IGF2R: variants seen among roughly 807,000 people sequenced by gnomAD.
IGF2R encodes insulin like growth factor 2 receptor, also known as cation-independent mannose-6-phosphate receptor.
IGF2R carries 91 observed loss-of-function variants against 270.6 expected under a neutral mutation model. The ratio of observed to expected loss-of-function variants is 0.34; its 90% CI spans 0.28 to 0.40. The LOEUF is 0.40. Ranked by LOEUF, IGF2R falls within the 10% of genes least tolerant of loss-of-function variation. The pLI is 1.00. For missense variants in IGF2R, 2,805 were observed against 3,188.3 expected (o/e 0.88, Z 2.90); for synonymous variants, 1,316 against 1,258.9 (o/e 1.05, Z -0.96).
chr6:160,042,892 T>TC (rs1305622767), intron 11 of IGF2R, among the ~76,000 whole-genome samples: 1 of 152,122 alleles, frequency 6.6e-6, no homozygotes, highest in Non-Finnish European at 1.5e-5. Context: ...CAGTTCTCTG[T>TC]CCCCCAGTTG....
chr6:159,986,457 A>G (rs1330173934), intron 1 of IGF2R, among the ~76,000 whole-genome samples: 5 of 143,614 alleles, frequency 3.5e-5, no homozygotes, highest in African/African-American at 1.3e-4. Flanking sequence ...AAGTAGATTC[A>G]GGGTTTCACC....
intron 34 of IGF2R, 111 bp downstream of exon 34, chr6:160,073,580 T>G (rs1778792011): frequency 1.6e-6 from 2 of 1,288,200 alleles, no homozygotes. Flanking sequence ...AACTGTCCAC[T>G]CCTGATCACC....
At position 160,027,217 on chromosome 6, in the gene IGF2R, G is replaced by A. The variant is rs1206290347; in HGVS notation, c.679G>A (p.Ala227Thr). The A allele has an allele frequency of 1.2e-6, 2 of 1,614,116 alleles. No individual in the cohort carries two copies. The highest frequency in any genetic ancestry group is 1.7e-6 in the Non-Finnish European group (2 of 1,180,042). The change falls in exon 6 of 48, where the codon GCC (alanine) becomes ACC (threonine). Residue 227 changes from alanine to threonine, a missense_variant. Ala to Thr is a moderately conservative substitution (Grantham distance 58). This residue lies in a region of IGF2R where 954 missense variants were observed against 981.1 expected (regional missense o/e 0.97). Coordinates refer to ENST00000356956, the MANE Select transcript of IGF2R (RefSeq NM_000876.4). ...ACGAGACCCAGGTTCACAGCTGCGG[G>A]CCTGTCCCCCCGGCACTGCCGCCTG... ...TLRDPGSQLR[A>T]CPPGTAACLV...
In IGF2R at chr6:160,084,910, T is replaced by A. The variant is rs1779066832; in HGVS notation, c.6069-85T>A. Reference sequence around the variant, plus strand: ...GCCCTTAGTTATCAGAACCTTTCTCTGAAAGTAAAGTGAAGAGCCCTCCTG... The same window carrying A: ...GCCCTTAGTTATCAGAACCTTTCTCAGAAAGTAAAGTGAAGAGCCCTCCTG... On this transcript the variant is annotated intron_variant, in intron 40 of 47. Transcript: ENST00000356956. The surrounding 1 kb of genome is among the most constrained non-coding windows in gnomAD (Gnocchi z 4.6). 7.5e-7 allele frequency: 1 copy of A among 1,338,544 alleles called. No individual in the cohort carries two copies. The highest frequency in any genetic ancestry group is 1.0e-6 in the Non-Finnish European group (1 of 969,750). 82.9% of individuals were successfully genotyped at this position (1,338,544 alleles called of 1,614,324 possible). A position where few individuals can be genotyped will look rare whatever the true frequency, so the allele number is the denominator to read the frequency against.
intron 45 of IGF2R, among the ~76,000 whole-genome samples, chr6:160,100,285 AAGG>A (rs556990105): frequency 1.2e-3 from 178 of 152,328 alleles, no homozygotes; most frequent in African/African-American, 4.1e-3. Context: ...ACCAAAGTCA[AAGG>A]AGAAGAAAAG....
At chr6:159,973,146 AG>A (rs1783635886) in intron 1 of IGF2R, among the ~76,000 whole-genome samples, 1 of 152,104 alleles carries the variant, frequency 6.6e-6, no homozygotes, top group Admixed American at 6.5e-5. Flanking sequence ...GCAAGAAGAG[AG>A]GGCATTCAGG....
intron 2 of IGF2R, among the ~76,000 whole-genome samples, chr6:159,995,997 AT>A (rs1172142793): frequency 1.5e-3 from 174 of 115,026 alleles, no homozygotes; most frequent in African/African-American, 2.6e-3. Flanking sequence ...CTTTGGCAGG[AT>A]TTTTTTTTTT....
At chr6:159,972,830 A>G (rs1298137597) in intron 1 of IGF2R, among the ~76,000 whole-genome samples, 1 of 152,264 alleles carries the variant, frequency 6.6e-6, no homozygotes, top group African/African-American at 2.4e-5. Context: ...AGCAGGCACG[A>G]CAAAGGCTCA....
At chr6:159,988,510 C>G in intron 1 of IGF2R, among the ~76,000 whole-genome samples, 1 of 91,706 alleles carries the variant, frequency 1.1e-5, no homozygotes, top group African/African-American at 4.6e-5. Context: ...GAGACTCCGT[C>G]TCAAAAAAAA....
chr6:160,032,686 G>A lies in IGF2R; in HGVS notation c.1018G>A (p.Asp340Asn), dbSNP rs1407298119. ...CGGCGAGCAGCAGGATGTCTCCATA[G>A]ACCTCACACCACTTGCCCAGAGCGG... ...LSGEQQDVSI[D>N]LTPLAQSGGS... Residue 340 changes from aspartate to asparagine, a missense_variant, in exon 8 of 48, where the codon GAC (aspartate) becomes AAC (asparagine). Physicochemically the swap from Asp to Asn is conservative, Grantham distance 23. Coordinates refer to ENST00000356956, the MANE Select transcript of IGF2R (RefSeq NM_000876.4). 1.2e-6 allele frequency: 2 copies of A among 1,614,094 alleles called. No individual in the cohort carries two copies. The highest frequency in any genetic ancestry group is 1.7e-6 in the Non-Finnish European group (2 of 1,180,014).
intron 15 of IGF2R, 148 bp downstream of exon 15, chr6:160,046,793 T>C (rs1778077906): frequency 5.5e-6 from 5 of 914,042 alleles, no homozygotes; most frequent in Non-Finnish European, 8.2e-6. Context: ...CTGAAGGATG[T>C]TAGGAGTTTA....
Position 160,102,795 on chromosome 6 carries a change from T to G in IGF2R, c.6995+124T>G. The G allele has an allele frequency of 8.6e-7, 1 of 1,157,258 alleles. No homozygotes were observed. The highest frequency in any genetic ancestry group is 1.2e-6 in the Non-Finnish European group (1 of 834,964). 71.7% of individuals were successfully genotyped at this position (1,157,258 alleles called of 1,614,324 possible). On this transcript the variant is annotated intron_variant, in intron 46 of 47. Transcript: ENST00000356956. This position sits in a 1 kb window ranked among gnomAD's most constrained non-coding sequence, Gnocchi z 4.5. ...CCCTACAGCAGCGAAGGCTCGAGGT[T>G]CTTAGTCCAAAACTCTCTGGAAGCA...
intron 2 of IGF2R, among the ~76,000 whole-genome samples, chr6:160,008,012 A>G (rs758557089): frequency 3.2e-4 from 49 of 152,232 alleles, no homozygotes; most frequent in Non-Finnish European, 2.8e-4. Context: ...ACATTGGAAG[A>G]ATAATTATCT....
At chr6:160,036,666 T>C (rs1233971700) in intron 10 of IGF2R, among the ~76,000 whole-genome samples, 2 of 151,976 alleles carry the variant, frequency 1.3e-5, no homozygotes, top group Non-Finnish European at 2.9e-5. Context: ...AGAAGGGCAT[T>C]ATATCGTTTC....
At chr6:160,016,896 A>T (rs1777312270) in intron 4 of IGF2R, among the ~76,000 whole-genome samples, 1 of 152,264 alleles carries the variant, frequency 6.6e-6, no homozygotes, top group South Asian at 2.1e-4. Flanking sequence ...GTAAATTCAA[A>T]CCAAAAAGTG....
rs1397977512 is a variant in IGF2R at position 160,078,293 on chromosome 6, C to T, written c.5409C>T (p.Gly1803=). 1.9e-6 allele frequency: 3 copies of T among 1,614,160 alleles called. No individual in the cohort carries two copies. Among genetic ancestry groups the T allele is most frequent in the Non-Finnish European group, 2.5e-6 (3 of 1,179,978 alleles). Residue 1803 remains glycine (G), a synonymous_variant, in exon 37 of 48, where the codon GGC becomes GGT. Transcript: ENST00000356956. The part of the protein sequence containing the change: ...VVCPDEVRMD[G]CTLTDEQLLY... ...GTCCTGATGAAGTGAGGATGGATGG[C>T]TGTACCCTGACAGATGAGCAGCTCC... is the stretch of plus-strand genomic sequence containing the variant.
chr6:159,987,941 A>G (rs1050784341), intron 1 of IGF2R, among the ~76,000 whole-genome samples: 5 of 152,158 alleles, frequency 3.3e-5, no homozygotes, highest in Non-Finnish European at 7.4e-5. Context: ...ACCCCCCTGA[A>G]AAAAGTCAGT....
intron 20 of IGF2R, among the ~76,000 whole-genome samples, chr6:160,056,853 G>A (rs8191824): frequency 0.1 from 15,705 of 152,188 alleles, 990 homozygotes; most frequent in South Asian, 0.18. Context: ...CTGACTAGTC[G>A]ATACGTCACT....
chr6:160,001,819 G>A (rs1784133663), intron 2 of IGF2R, among the ~76,000 whole-genome samples: 1 of 152,070 alleles, frequency 6.6e-6, no homozygotes. Context: ...AACAATATTT[G>A]GTCCCATTTG....
Sources: gnomAD v4.1 joint callset for allele counts (sites outside exome capture counted in the v4.1 genomes callset) on GRCh38, gnomAD v4.1.1 for gene constraint, gnomAD v4.1.1 regional missense constraint, Gnocchi (gnomAD v3.1) non-coding constraint, MANE v1.5 for transcripts, NCBI Gene and HGNC (gene_info 2026-07-23, HGNC 2026-07-21) for gene names.